The following TTYH2 variants were observed in gnomAD, a reference collection of about 807,000 sequenced individuals.
The protein encoded by TTYH2 is protein tweety homolog 2.
Under a neutral mutation model 68.3 loss-of-function variants are expected in TTYH2, and 49 were observed. The ratio of observed to expected loss-of-function variants is 0.72; its 90% CI spans 0.57 to 0.91. The LOEUF (loss-of-function observed/expected upper bound fraction) is 0.91, where lower values mean the gene tolerates loss of function less well. Ranked by LOEUF, TTYH2 falls within the 40% of genes least tolerant of loss-of-function variation. TTYH2 has a pLI of 0.00. For missense variants in TTYH2, 631 were observed against 700.4 expected, an observed-to-expected ratio of 0.90 and a Z score of 1.12; for synonymous variants, 272 against 300.8, an observed-to-expected ratio of 0.90 and a Z score of 0.99.
intron 3 of TTYH2, among the ~76,000 whole-genome samples, chr17:74,233,824 G>A (rs558483456): frequency 3.3e-5 from 5 of 152,244 alleles, no homozygotes; most frequent in Non-Finnish European, 7.4e-5. Flanking sequence ...AAAACTTCCT[G>A]TACCTGGTAG....
chr17:74,252,265 A>T lies in TTYH2; in HGVS notation c.1148A>T (p.Tyr383Phe), dbSNP rs752452879. The change falls in exon 11 of 14, where the codon TAC becomes TTC. Residue 383 changes from tyrosine to phenylalanine, a missense_variant. Coordinates refer to ENST00000269346, the MANE Select transcript of TTYH2 (RefSeq NM_032646.6). ...DYLDALAGIC[Y>F]DGLQGLLYLG... ...CTGGACGCTCTTGCTGGCATCTGCTACGACGGCCTCCAGGGCTTGCTGTAC... is the reference window on the plus strand; with the variant it reads ...CTGGACGCTCTTGCTGGCATCTGCTTCGACGGCCTCCAGGGCTTGCTGTAC... The T allele has an allele frequency of 6.2e-7, 1 of 1,613,478 alleles. No homozygotes were observed. The highest frequency in any genetic ancestry group is 8.5e-7 in the Non-Finnish European group (1 of 1,180,010).
At chr17:74,230,800 G>T (rs955092448) in intron 2 of TTYH2, 88 bp from the exon 3 acceptor site, 3 of 1,361,938 alleles carry the variant, frequency 2.2e-6, no homozygotes, top group Non-Finnish European at 3.0e-6. Context: ...ATGAGCCACC[G>T]CACCCAACCC....
intron 7 of TTYH2, 51 bp downstream of exon 7, chr17:74,249,131 C>T (rs776485786): frequency 6.8e-6 from 11 of 1,611,972 alleles, no homozygotes; most frequent in Non-Finnish European, 9.3e-6. Context: ...TGGCCGGACT[C>T]TGTGCCCCTA....
At chr17:74,253,538 A>G (rs992511437) in intron 12 of TTYH2, among the ~76,000 whole-genome samples, 9 of 152,158 alleles carry the variant, frequency 5.9e-5, no homozygotes, top group Non-Finnish European at 1.3e-4. Flanking sequence ...TCTCCAGGCC[A>G]TGCTGCTCCC....
intron 10 of TTYH2, 24 bp downstream of exon 10, chr17:74,250,381 G>T: frequency 6.2e-7 from 1 of 1,600,014 alleles, no homozygotes; most frequent in Non-Finnish European, 8.5e-7. Flanking sequence ...CTGGGGTCAC[G>T]TGGAGAGTGT....
At chr17:74,230,246 G>C (rs147021821) in intron 2 of TTYH2, among the ~76,000 whole-genome samples, 1 of 136,028 alleles carries the variant, frequency 7.4e-6, no homozygotes, top group African/African-American at 3.2e-5. Flanking sequence ...TGGTGGACAC[G>C]TCATTTTTTC....
chr17:74,244,870 GTGTGTGTGTGTGTT>G (rs2050540329), intron 6 of TTYH2, among the ~76,000 whole-genome samples: 2 of 151,988 alleles, frequency 1.3e-5, no homozygotes, highest in South Asian at 4.2e-4. Context: ...GTGTGTGTGT[GTGTGTGTGTGTGTT>G]TGTGTGTGTG....
intron 2 of TTYH2, among the ~76,000 whole-genome samples, chr17:74,229,478 C>T (rs2050365572): frequency 6.6e-6 from 1 of 151,826 alleles, no homozygotes; most frequent in African/African-American, 2.4e-5. Context: ...CACCCCCAGC[C>T]CCACCTGCCA....
In TTYH2 at chr17:74,250,247, G is replaced by T. The variant is rs73996939; in HGVS notation, c.1024-18G>T. On this transcript the variant is annotated intron_variant, in intron 9 of 13. Coordinates refer to ENST00000269346, the MANE Select transcript of TTYH2 (RefSeq NM_032646.6). ...CCTCCACAGCCCCTCGGCCTCTCTC[G>T]CTCTCTTCCCGCTTCAGGAAGACCT... The T allele has an allele frequency of 0.022, 13,517 of 607,368 alleles. 880 individuals are homozygous for T. In the African/African-American group the frequency reaches 0.41, roughly 19 times the overall value. 37.6% of individuals were successfully genotyped at this position (607,368 alleles called of 1,614,324 possible). A position where few individuals can be genotyped will look rare whatever the true frequency, so the allele number is the denominator to read the frequency against.
In TTYH2 at chr17:74,244,042, C is replaced by T. The variant is rs369516993; in HGVS notation, c.797C>T (p.Ala266Val). ...SWASLAADGS[A>V]AVATSDFCVA... ...GCATCCCTGGCCGCTGATGGCTCTG[C>T]GGCAGTGGTGAGTTGGGGGAGGGAG... The change falls in exon 6 of 14, where the codon GCG becomes GTG. Residue 266 changes from alanine to valine, a missense_variant. Coordinates refer to ENST00000269346, the MANE Select transcript of TTYH2 (RefSeq NM_032646.6). 128 of 1,610,846 alleles carry T rather than the reference C, an allele frequency of 7.9e-5. No individual in the cohort carries two copies. The highest frequency in any genetic ancestry group is 2.4e-4 in the African/African-American group (18 of 74,898).
chr17:74,235,262 G>A (rs767389854), intron 3 of TTYH2, among the ~76,000 whole-genome samples: 25 of 152,094 alleles, frequency 1.6e-4, no homozygotes, highest in Non-Finnish European at 3.2e-4. Flanking sequence ...GAATCTAATC[G>A]GCCTTGCTGA....
intron 3 of TTYH2, among the ~76,000 whole-genome samples, chr17:74,236,566 G>A (rs142242109): frequency 1.3e-5 from 2 of 152,320 alleles, no homozygotes; most frequent in Non-Finnish European, 2.9e-5. Flanking sequence ...CAGGGGCCAC[G>A]TGGTGGGCAC....
chr17:74,233,171 C>T (rs566954022), intron 3 of TTYH2, among the ~76,000 whole-genome samples: 122 of 152,280 alleles, frequency 8.0e-4, no homozygotes, highest in Non-Finnish European at 1.3e-3. Context: ...TCACCTCCCC[C>T]TCTGGCGTGA....
chr17:74,249,122 G>A (rs1462633896), intron 7 of TTYH2, 42 bp downstream of exon 7: 3 of 1,612,026 alleles, frequency 1.9e-6, no homozygotes, highest in Admixed American at 3.3e-5. Context: ...ATGCATAGGT[G>A]GCCGGACTCT....
At position 74,227,983 on chromosome 17, in the gene TTYH2, C is replaced by CTTTTTTTTTTTTTTTTTTTTTTTTT. The variant is rs35080135; in HGVS notation, c.303-2887_303-2886insTTTTTTTTTTTTTTTTTTTTTTTTT. 1.1e-4 allele frequency among the ~76,000 whole-genome samples: 12 copies of CTTTTTTTTTTTTTTTTTTTTTTTTT among 112,506 alleles called. 1 individual carries two copies. The highest frequency in any genetic ancestry group is 4.6e-4 in the African/African-American group (10 of 21,544). 73.8% of individuals were successfully genotyped at this position (112,506 alleles called of 152,430 possible). ...GAAGGAGGTTTCTTTTCTTTTCTTT[C>CTTTTTTTTTTTTTTTTTTTTTTTTT]TTTTTTTTTTTTTTTTTTGAGATAG... On this transcript the variant is annotated intron_variant, in intron 2 of 13. Transcript: ENST00000269346.
chr17:74,226,481 G>T (rs1044862824), intron 2 of TTYH2, among the ~76,000 whole-genome samples: 2 of 152,168 alleles, frequency 1.3e-5, no homozygotes, highest in Non-Finnish European at 2.9e-5. Flanking sequence ...GGGTTAAGTG[G>T]GAGGTCATTG....
rs143094753 is a variant in TTYH2, at chr17:74,235,613, G to A, written c.415-1681G>A. ...CATTAGAAATGGATGCACATGGCCG[G>A]GCGTGGTGGCTCATGCTTGCAATCC... On this transcript the variant is annotated intron_variant, in intron 3 of 13. Coordinates refer to ENST00000269346, the MANE Select transcript of TTYH2 (RefSeq NM_032646.6). Among the ~76,000 whole-genome samples, 653 of 152,304 alleles carry A rather than the reference G, an allele frequency of 4.3e-3. 4 individuals carry two copies. The highest frequency in any genetic ancestry group is 0.015 in the African/African-American group (632 of 41,554).
At chr17:74,234,050 G>A (rs1298122787) in intron 3 of TTYH2, among the ~76,000 whole-genome samples, 4 of 152,180 alleles carry the variant, frequency 2.6e-5, no homozygotes, top group Non-Finnish European at 2.9e-5. Flanking sequence ...CTCACTGAGC[G>A]CTGGAGAGTC....
chr17:74,231,170 G>GGCAATTGT (rs2050385671), intron 3 of TTYH2, among the ~76,000 whole-genome samples, 171 bp downstream of exon 3: 1 of 152,194 alleles, frequency 6.6e-6, no homozygotes, highest in Non-Finnish European at 1.5e-5. Flanking sequence ...GGGGCAAATG[G>GGCAATTGT]GCAATTGTGC....
Sources: gnomAD v4.1 joint callset for allele counts (sites outside exome capture counted in the v4.1 genomes callset) on GRCh38, gnomAD v4.1.1 for gene constraint, MANE v1.5 for transcripts, NCBI Gene and HGNC (gene_info 2026-07-23, HGNC 2026-07-21) for gene names.